Variants in ESR1 observed in about 807,000 individuals in gnomAD.
ESR1 encodes the protein estrogen receptor.
In ESR1, 12 loss-of-function variants were observed where a neutral mutation model predicts 52.7. The observed-to-expected ratio is 0.23, with a 90% CI of 0.15 to 0.37. ESR1 has a LOEUF of 0.37. ESR1 is among the 10% of genes least tolerant of loss of function. ESR1 has a pLI of 1.00. For synonymous variants in ESR1, 305 were observed against 316.8 expected, an observed-to-expected ratio of 0.96 and a Z score of 0.39; for missense variants, 584 against 779.7, an observed-to-expected ratio of 0.75 and a Z score of 2.99.
intron 4 of ESR1, among the ~76,000 whole-genome samples, chr6:152,005,658 A>G (rs528845454): frequency 1.3e-5 from 2 of 152,118 alleles, no homozygotes; most frequent in East Asian, 3.9e-4. Context: ...TTTTACAGTA[A>G]CCCTAAGTGG....
At chr6:151,731,458 A>G (rs960215069) in intron 2 of ESR1, among the ~76,000 whole-genome samples, 3 of 152,066 alleles carry the variant, frequency 2.0e-5, no homozygotes, top group African/African-American at 4.8e-5. Flanking sequence ...CACCTAGAGC[A>G]ATGTGGACAT....
intron 5 of ESR1, among the ~76,000 whole-genome samples, chr6:152,045,086 TG>T (rs1031141789): frequency 1.8e-4 from 28 of 152,350 alleles, no homozygotes; most frequent in African/African-American, 6.5e-4. Context: ...TAGCAAGTGC[TG>T]TCTGTGGGTG....
At chr6:151,985,774 T>C (rs1024139281) in intron 4 of ESR1, among the ~76,000 whole-genome samples, 1 of 152,038 alleles carries the variant, frequency 6.6e-6, no homozygotes, top group African/African-American at 2.4e-5. Context: ...TTCAAGCGAT[T>C]CTCATGCCTC....
At chr6:151,980,227 T>A (rs2039861924) in intron 4 of ESR1, among the ~76,000 whole-genome samples, 1 of 152,224 alleles carries the variant, frequency 6.6e-6, no homozygotes, top group African/African-American at 2.4e-5. Flanking sequence ...ACATTCCAAT[T>A]TGTATTCTTC....
chr6:151,749,821 C>T (rs984780827), intron 2 of ESR1, among the ~76,000 whole-genome samples: 1 of 152,112 alleles, frequency 6.6e-6, no homozygotes, highest in African/African-American at 2.4e-5. Flanking sequence ...CTAGACAGAG[C>T]TCTGTCAACA....
chr6:151,961,229 G>A (rs2037621564), intron 4 of ESR1, among the ~76,000 whole-genome samples: 1 of 152,070 alleles, frequency 6.6e-6, no homozygotes, highest in Non-Finnish European at 1.5e-5. Flanking sequence ...ATTGAGCCTT[G>A]GGACAGTCAG....
At chr6:152,047,590 T>C (rs73616023) in intron 5 of ESR1, among the ~76,000 whole-genome samples, 1,758 of 152,220 alleles carry the variant, frequency 0.012, 35 homozygotes, top group African/African-American at 0.04. Context: ...GAGTTTTCTT[T>C]TCGTCCTGCT....
chr6:151,818,929 G>A (rs1780113563), intron 1 of ESR1, among the ~76,000 whole-genome samples: 1 of 152,132 alleles, frequency 6.6e-6, no homozygotes, highest in Non-Finnish European at 1.5e-5. Flanking sequence ...AGGCCAGTCA[G>A]AGAAAACATG....
intron 2 of ESR1, among the ~76,000 whole-genome samples, chr6:151,759,040 G>C (rs748723574): frequency 6.6e-6 from 1 of 151,984 alleles, no homozygotes; most frequent in Non-Finnish European, 1.5e-5. Context: ...ACTTTGGGAG[G>C]CCAAGGCAGG....
Position 151,808,070 on chromosome 6 carries a change from A to G in ESR1, c.158A>G (p.Asn53Ser), listed in dbSNP as rs2128156055. The G allele has an allele frequency of 1.2e-6, 2 of 1,613,384 alleles. No homozygotes were observed. Among genetic ancestry groups the G allele is most frequent in the Non-Finnish European group, 1.7e-6 (2 of 1,179,888 alleles). ...YLDSSKPAVY[N>S]YPEGAAYEFN... ...GACAGCAGCAAGCCCGCCGTGTACA[A>G]CTACCCCGAGGGCGCCGCCTACGAG... Residue 53 changes from asparagine (N) to serine (S), a missense_variant, in exon 1 of 8, where the codon AAC (asparagine) becomes AGC (serine). Coordinates refer to ENST00000206249, the MANE Select transcript of ESR1 (RefSeq NM_000125.4).
chr6:152,091,718 G>T (rs767338003), intron 6 of ESR1, among the ~76,000 whole-genome samples: 2 of 152,056 alleles, frequency 1.3e-5, no homozygotes, highest in African/African-American at 2.4e-5. Flanking sequence ...GGTCGCTGAG[G>T]TCCCAGCACG....
intron 3 of ESR1, among the ~76,000 whole-genome samples, chr6:151,895,852 G>C (rs147339747): frequency 8.8e-4 from 134 of 152,254 alleles, no homozygotes; most frequent in African/African-American, 3.1e-3. Context: ...GCCCAGGCTG[G>C]AGTGTAGTGG....
intron 2 of ESR1, among the ~76,000 whole-genome samples, chr6:151,713,481 G>T (rs1002796017): frequency 1.3e-5 from 2 of 152,066 alleles, no homozygotes; most frequent in African/African-American, 4.8e-5. Context: ...GCTTTTTTTG[G>T]TTGGTAGGCT....
At chr6:151,949,066 C>A (rs1362896516) in intron 4 of ESR1, among the ~76,000 whole-genome samples, 1 of 152,160 alleles carries the variant, frequency 6.6e-6, no homozygotes, top group Non-Finnish European at 1.5e-5. Flanking sequence ...GACATTTCTC[C>A]TTTTTCCTCT....
chr6:152,001,133 CT>C (rs2041910395), intron 4 of ESR1, among the ~76,000 whole-genome samples: 1 of 151,968 alleles, frequency 6.6e-6, no homozygotes, highest in African/African-American at 2.4e-5. Context: ...GAGAGTTTCT[CT>C]TACAGGGTGG....
At chr6:152,004,813 T>C (rs1394123443) in intron 4 of ESR1, among the ~76,000 whole-genome samples, 1 of 152,044 alleles carries the variant, frequency 6.6e-6, no homozygotes, top group Non-Finnish European at 1.5e-5. Context: ...TACATAGATA[T>C]CATGACCTTC....
intron 6 of ESR1, among the ~76,000 whole-genome samples, chr6:152,091,635 G>A (rs2050188047): frequency 6.6e-6 from 1 of 152,124 alleles, no homozygotes; most frequent in African/African-American, 2.4e-5. Flanking sequence ...CAAGAAAAAA[G>A]TCACTCCCCA....
intron 2 of ESR1, among the ~76,000 whole-genome samples, chr6:151,852,161 C>A (rs1786878516): frequency 6.6e-6 from 1 of 152,042 alleles, no homozygotes; most frequent in African/African-American, 2.4e-5. Context: ...AGGATAAGTT[C>A]AATTCTAGAC....
chr6:152,055,371 C>A (rs1047439188), intron 5 of ESR1, among the ~76,000 whole-genome samples: 2 of 152,112 alleles, frequency 1.3e-5, no homozygotes, highest in African/African-American at 4.8e-5. Flanking sequence ...TGCCTCTTAG[C>A]GCTTCAGCCT....
Sources: allele counts gnomAD v4.1 joint callset (sites outside exome capture counted in the v4.1 genomes callset), GRCh38; gene constraint gnomAD v4.1.1; transcripts MANE v1.5; gene names NCBI Gene and HGNC (gene_info 2026-07-23, HGNC 2026-07-21).